Variants in NDEL1 observed in about 807,000 individuals in gnomAD.
NDEL1 encodes the protein nuclear distribution protein nudE-like 1.
NDEL1 carries 9 observed loss-of-function variants against 45.7 expected under a neutral mutation model. That is an observed-to-expected ratio of 0.20 (90% CI 0.12 to 0.34). The LOEUF (loss-of-function observed/expected upper bound fraction) is 0.34, where lower values mean the gene tolerates loss of function less well. NDEL1 is among the 10% of genes least tolerant of loss of function. The pLI, the probability that NDEL1 is intolerant of heterozygous loss-of-function variation, is 1.00. For synonymous variants in NDEL1, 133 were observed against 158.6 expected, an observed-to-expected ratio of 0.84 and a Z score of 1.21; for missense variants, 306 against 406.2, an observed-to-expected ratio of 0.75 and a Z score of 2.12.
At chr17:8,432,328 A>ATATATAAATAT (rs1189858225), upstream of NDEL1, among the ~76,000 whole-genome samples, 63 of 106,558 alleles carry the variant, frequency 5.9e-4, no homozygotes, top group African/African-American at 1.9e-3. Flanking sequence ...TTTATATATA[A>ATATATAAATAT]ATATATATAT....
At chr17:8,421,569 A>G (rs1908709252) in intron 1 of NDEL1, among the ~76,000 whole-genome samples, 2 of 152,174 alleles carry the variant, frequency 1.3e-5, no homozygotes, top group Non-Finnish European at 2.9e-5. Flanking sequence ...ACGCTGCCCG[A>G]CACCTTGATT....
chr17:8,452,825 C>T (rs1190515516), intron 6 of NDEL1, among the ~76,000 whole-genome samples: 3 of 133,288 alleles, frequency 2.3e-5, no homozygotes, highest in South Asian at 2.3e-4. Flanking sequence ...TTGCAACTTC[C>T]GCCTCCTGGG....
intron 1 of NDEL1, among the ~76,000 whole-genome samples, chr17:8,436,892 G>T (rs982484337): frequency 1.6e-3 from 243 of 152,296 alleles, no homozygotes; most frequent in African/African-American, 5.3e-3. Flanking sequence ...CTGGTGAGTG[G>T]TTTAGCTTGG....
At chr17:8,452,379 G>T (rs545575927) in intron 6 of NDEL1, among the ~76,000 whole-genome samples, 1 of 152,160 alleles carries the variant, frequency 6.6e-6, no homozygotes, top group Non-Finnish European at 1.5e-5. Flanking sequence ...TTCATTCAGG[G>T]ACTTGGGGAG....
downstream of NDEL1, among the ~76,000 whole-genome samples, chr17:8,472,433 C>T (rs539779912): frequency 8.6e-4 from 131 of 152,234 alleles, 1 homozygote; most frequent in African/African-American, 2.6e-3. Flanking sequence ...CAAGGCGGGA[C>T]GAATCACGTG....
chr17:8,469,657 C>T (rs924134011), downstream of NDEL1, among the ~76,000 whole-genome samples: 3 of 151,650 alleles, frequency 2.0e-5, no homozygotes, highest in African/African-American at 7.3e-5. Flanking sequence ...AATTTTTGTC[C>T]TAGCCAGTCT....
At chr17:8,415,258 A>C (rs1270802094) in intron 1 of NDEL1, among the ~76,000 whole-genome samples, 1 of 150,866 alleles carries the variant, frequency 6.6e-6, no homozygotes, top group Non-Finnish European at 1.5e-5. Context: ...AGCTTACTAC[A>C]GTCTTGAATT....
At chr17:8,448,221 G>A (rs747995923) in intron 4 of NDEL1, among the ~76,000 whole-genome samples, 4 of 152,158 alleles carry the variant, frequency 2.6e-5, no homozygotes, top group Non-Finnish European at 4.4e-5. Context: ...TATATTACAA[G>A]TTTTGAAAAG....
At chr17:8,447,962 A>T (rs1910190882) in intron 4 of NDEL1, among the ~76,000 whole-genome samples, 1 of 82,806 alleles carries the variant, frequency 1.2e-5, no homozygotes, top group African/African-American at 5.1e-5. Context: ...CAGCAGCCAG[A>T]TTGGTTGCGG....
chr17:8,448,772 T>G, intron 5 of NDEL1, 86 bp downstream of exon 5: 1 of 1,305,202 alleles, frequency 7.7e-7, no homozygotes, highest in South Asian at 1.6e-5. Context: ...CTGATTTTTT[T>G]TCAACCAAAT....
At chr17:8,443,970 G>C in intron 1 of NDEL1, 1 of 254,140 alleles carries the variant, frequency 3.9e-6, no homozygotes, top group Non-Finnish European at 7.6e-6. Context: ...TCTGTGTGCA[G>C]GATGATTCTG....
intron 3 of NDEL1, among the ~76,000 whole-genome samples, chr17:8,446,553 C>T (rs1910090172): frequency 6.6e-6 from 1 of 152,134 alleles, no homozygotes; most frequent in South Asian, 2.1e-4. Context: ...GGGTTTCTTT[C>T]TGAGAGGAGA....
At position 8,446,832 on chromosome 17, in the gene NDEL1, A is replaced by G; in HGVS notation, c.319A>G (p.Ile107Val). 6.2e-7 allele frequency: 1 copy of G among 1,614,234 alleles called. No individual in the cohort carries two copies. The highest frequency in any genetic ancestry group is 1.1e-5 in the South Asian group (1 of 91,082). The change falls in exon 4 of 9, where the codon ATT becomes GTT. Residue 107 changes from isoleucine (I) to valine (V), a missense_variant. Ile to Val is a conservative substitution (Grantham distance 29). Transcript: ENST00000334527. ...LEDDLSQTRAIKEQLHKYVRE... is the reference protein window; with the variant it reads ...LEDDLSQTRAVKEQLHKYVRE... The stretch of plus-strand genomic sequence containing the variant: ...AGATGATTTAAGTCAGACTCGGGCC[A>G]TTAAGGAGCAGTTGCATAAGTATGT...
upstream of NDEL1, chr17:8,431,873 C>T (rs1237265228): frequency 1.3e-5 from 1 of 75,284 alleles, no homozygotes; most frequent in Non-Finnish European, 2.6e-5. Context: ...AAGGTCAAGA[C>T]ACCTTTTTTT....
At chr17:8,461,188 T>A (rs1205991754) in intron 8 of NDEL1, 2 of 152,104 alleles carry the variant, frequency 1.3e-5, no homozygotes, top group Admixed American at 6.6e-5. Context: ...GCAGCTGGGA[T>A]TTTCTGCCGT....
chr17:8,428,650 C>A (rs553246176), intron 1 of NDEL1, among the ~76,000 whole-genome samples: 226 of 144,884 alleles, frequency 1.6e-3, no homozygotes, highest in Non-Finnish European at 2.9e-3. Context: ...GGTGTGAGCC[C>A]CCATGCCTGG....
downstream of NDEL1, among the ~76,000 whole-genome samples, chr17:8,468,872 C>T (rs964941511): frequency 6.6e-6 from 1 of 152,082 alleles, no homozygotes; most frequent in Non-Finnish European, 1.5e-5. Context: ...GGCATGGTGG[C>T]GGGTGCCTGT....
Position 8,463,334 on chromosome 17 carries a change from T to C in NDEL1, c.944+3174T>C. 3 of 1,613,140 alleles carry C rather than the reference T, an allele frequency of 1.9e-6. No individual in the cohort carries two copies. In the South Asian group the frequency reaches 3.3e-5, roughly 18 times the overall value. ...TCTTTTATTAGGCAAGAAAAAGTCA[T>C]ATTTCCCACGTTGTTCATGGGTAAC... On this transcript the variant is annotated intron_variant, in intron 8 of 8. Coordinates refer to ENST00000334527, the MANE Select transcript of NDEL1 (RefSeq NM_030808.5).
chr17:8,446,940 CT>C, intron 4 of NDEL1, 38 bp downstream of exon 4: 1 of 1,594,028 alleles, frequency 6.3e-7, no homozygotes, highest in Non-Finnish European at 8.6e-7. Context: ...AAAAAACCAC[CT>C]TGGTAATTAG....
Sources: gnomAD v4.1 joint callset for allele counts (sites outside exome capture counted in the v4.1 genomes callset) on GRCh38, gnomAD v4.1.1 for gene constraint, MANE v1.5 for transcripts, NCBI Gene and HGNC (gene_info 2026-07-23, HGNC 2026-07-21) for gene names.